The following ANOS1 variants were observed in gnomAD, a reference collection of about 807,000 sequenced individuals.
ANOS1 encodes anosmin 1.
In ANOS1, 6 loss-of-function variants were observed where a neutral mutation model predicts 59.0. The observed-to-expected ratio is 0.10, with a 90% CI of 0.06 to 0.20. The LOEUF is 0.20. Ranked by LOEUF, ANOS1 falls within the 10% of genes least tolerant of loss-of-function variation. The probability of loss-of-function intolerance (pLI) is 1.00; values close to 1 mark genes in which losing one functional copy is unlikely to be tolerated. For missense variants in ANOS1, 433 were observed against 542.3 expected (o/e 0.80, Z 2.00); for synonymous variants, 217 against 223.4 (o/e 0.97, Z 0.25).
chrX:8,577,693 A>G (rs1463544917), intron 6 of ANOS1, among the ~76,000 whole-genome samples: 5 of 112,536 alleles, frequency 4.4e-5, no homozygotes, highest in African/African-American at 1.6e-4. Context: ...GATAAATTTC[A>G]GGTTTCATCA....
intron 2 of ANOS1, among the ~76,000 whole-genome samples, chrX:8,684,659 C>T (rs979099916): frequency 1.8e-5 from 2 of 110,050 alleles, no homozygotes; most frequent in African/African-American, 6.6e-5. Flanking sequence ...CCCCCACCCC[C>T]CGCCTTCCCC....
At chrX:8,626,014 A>G (rs1009338358) in intron 2 of ANOS1, among the ~76,000 whole-genome samples, 1 of 103,887 alleles carries the variant, frequency 9.6e-6, no homozygotes, top group Non-Finnish European at 2.0e-5. Flanking sequence ...TGGGAAGCCA[A>G]GGCAGGAAAA....
At chrX:8,671,627 T>C (rs1356303842) in intron 2 of ANOS1, among the ~76,000 whole-genome samples, 2 of 107,508 alleles carry the variant, frequency 1.9e-5, no homozygotes, top group African/African-American at 6.7e-5. Context: ...ATTATATATA[T>C]ACTATATATA....
chrX:8,642,110 A>G (rs1280527843), intron 2 of ANOS1, among the ~76,000 whole-genome samples: 1 of 112,116 alleles, frequency 8.9e-6, no homozygotes, highest in African/African-American at 3.2e-5. Context: ...AATTTCATAT[A>G]TAATTACTGA....
intron 4 of ANOS1, among the ~76,000 whole-genome samples, chrX:8,595,958 C>T (rs1466303183): frequency 9.0e-6 from 1 of 110,946 alleles, no homozygotes; most frequent in Non-Finnish European, 1.9e-5. Context: ...AGCATGAACC[C>T]TATTGTGAAT....
In ANOS1 at chrX:8,529,139, G is replaced by A. The variant is rs997363282; in HGVS notation, c.*3856C>T. ...ACTTGGATGAGAAGGTAGCAGTTTT[G>A]TTATCTGCACACTACAATATAATTA... On this transcript the variant is annotated 3_prime_UTR_variant, in exon 14 of 14. Transcript: ENST00000262648. 6.3e-5 allele frequency: 7 copies of A among 111,406 alleles called. No individual in the cohort carries two copies. Among genetic ancestry groups the A allele is most frequent in the African/African-American group, 2.3e-4 (7 of 30,671 alleles). 9.2% of individuals were successfully genotyped at this position (111,406 alleles called of 1,213,427 possible).
chrX:8,646,873 T>C (rs1931766813), intron 2 of ANOS1, among the ~76,000 whole-genome samples: 1 of 100,675 alleles, frequency 9.9e-6, no homozygotes, highest in Admixed American at 1.1e-4. Context: ...GTGGAGGTTA[T>C]AGTGAGTCGA....
Position 8,568,223 on chromosome X carries a change from G to A in ANOS1, c.1207+9C>T, listed in dbSNP as rs1249295234. ...CAATCATCTTGAAAAACATGACACA[G>A]TCACTTACTGTTGTTGGTTGCATGT... On this transcript the variant is annotated intron_variant, in intron 8 of 13. Coordinates refer to ENST00000262648, the MANE Select transcript of ANOS1 (RefSeq NM_000216.4). 2 of 1,208,379 alleles carry A rather than the reference G, an allele frequency of 1.7e-6. No homozygotes were observed. Among genetic ancestry groups the A allele is most frequent in the East Asian group, 3.0e-5 (1 of 33,767 alleles).
At chrX:8,536,217 A>AAATTTTTTTTTT in intron 11 of ANOS1, among the ~76,000 whole-genome samples, 1 of 55,834 alleles carries the variant, frequency 1.8e-5, no homozygotes, top group East Asian at 5.8e-4. Context: ...TTTTTTTTTT[A>AAATTTTTTTTTT]AAAGGTGAGA....
chrX:8,595,951 A>G (rs112100028), intron 4 of ANOS1, among the ~76,000 whole-genome samples: 1,920 of 110,979 alleles, frequency 0.017, 44 homozygotes, highest in African/African-American at 0.06. Flanking sequence ...TCATAGGAGC[A>G]TGAACCCTAT....
intron 3 of ANOS1, among the ~76,000 whole-genome samples, chrX:8,613,663 C>A (rs1313772584): frequency 9.0e-6 from 1 of 110,856 alleles, no homozygotes; most frequent in African/African-American, 3.3e-5. Flanking sequence ...TTTTTTAAAA[C>A]AGGGTCTCAC....
intron 2 of ANOS1, among the ~76,000 whole-genome samples, chrX:8,646,613 G>T (rs1341394787): frequency 9.0e-6 from 1 of 110,512 alleles, no homozygotes; most frequent in Non-Finnish European, 1.9e-5. Context: ...AAGGGGGAAG[G>T]CTTGAGAATA....
rs766123098 is a variant in ANOS1, at chrX:8,613,522, A to G, written c.318+10086T>C. On this transcript the variant is annotated intron_variant, in intron 3 of 13. Coordinates refer to ENST00000262648, the MANE Select transcript of ANOS1 (RefSeq NM_000216.4). ...ATTACAGGTGTGAGCCACTGAGCCT[A>G]GCCTCATCTGCTGGTTTTCAATCAT... is the stretch of plus-strand genomic sequence containing the variant. Among the ~76,000 whole-genome samples, 4 of 111,601 alleles carry G rather than the reference A, an allele frequency of 3.6e-5. No individual in the cohort carries two copies. The South Asian group carries it at 1.5e-3, about 42-fold the overall frequency.
rs765572494 is a variant in ANOS1, at chrX:8,588,030, G to C, written c.542-52C>G. The C allele has an allele frequency of 7.6e-6, 8 of 1,047,312 alleles. No homozygotes were observed. The Admixed American group carries it at 1.6e-4, about 21-fold the overall frequency. The allele number at this position is 1,047,312 out of a possible 1,213,427, so 86.3% of individuals were successfully genotyped here. A position where few individuals can be genotyped will look rare whatever the true frequency, so the allele number is the denominator to read the frequency against. ...CAATCTGCGTGTGACTCAAATTGAA[G>C]TAAAAGTTGAGGAAGAACAAATATG... On this transcript the variant is annotated intron_variant, in intron 4 of 13. Coordinates refer to ENST00000262648, the MANE Select transcript of ANOS1 (RefSeq NM_000216.4).
At chrX:8,636,891 T>C (rs971463855) in intron 2 of ANOS1, among the ~76,000 whole-genome samples, 4 of 112,355 alleles carry the variant, frequency 3.6e-5, no homozygotes, top group Admixed American at 2.8e-4. Context: ...AGACATCATA[T>C]TCATAACTTT....
At chrX:8,613,062 A>G (rs959112747) in intron 3 of ANOS1, among the ~76,000 whole-genome samples, 8 of 112,551 alleles carry the variant, frequency 7.1e-5, no homozygotes, top group African/African-American at 2.6e-4. Flanking sequence ...AGAAGGCTAA[A>G]CTTTATTCCT....
intron 4 of ANOS1, among the ~76,000 whole-genome samples, chrX:8,593,320 A>C (rs1195148664): frequency 1.8e-5 from 2 of 111,889 alleles, no homozygotes; most frequent in Non-Finnish European, 3.8e-5. Context: ...ATGTGTATTC[A>C]ACTGAAATGT....
intron 1 of ANOS1, among the ~76,000 whole-genome samples, chrX:8,718,905 G>A (rs773261800): frequency 1.0e-3 from 112 of 112,339 alleles, no homozygotes; most frequent in African/African-American, 3.1e-3. Context: ...AAATCTCAGC[G>A]CTGCATCAGA....
At chrX:8,686,813 G>A (rs1018562178) in intron 2 of ANOS1, among the ~76,000 whole-genome samples, 3 of 111,573 alleles carry the variant, frequency 2.7e-5, no homozygotes, top group African/African-American at 9.8e-5. Context: ...AATTAGCCGG[G>A]TGTGGTGGCA....
Sources: gnomAD v4.1 joint callset for allele counts (sites outside exome capture counted in the v4.1 genomes callset) on GRCh38, gnomAD v4.1.1 for gene constraint, MANE v1.5 for transcripts, NCBI Gene and HGNC (gene_info 2026-07-23, HGNC 2026-07-21) for gene names.